CNTN5: variants seen among roughly 807,000 people sequenced by gnomAD.
The protein encoded by CNTN5 is contactin-5.
CNTN5 carries 77 observed loss-of-function variants against 129.1 expected under a neutral mutation model. The observed-to-expected ratio is 0.60, with a 90% confidence interval of 0.50 to 0.72. The LOEUF is 0.72. CNTN5 is among the 30% of genes least tolerant of loss of function. The pLI is 0.00. For synonymous variants in CNTN5, 509 were observed against 465.6 expected (o/e 1.09, Z -1.20); for missense variants, 1,478 against 1,328.8 (o/e 1.11, Z -1.75).
At chr11:99,150,204 C>T (rs1488384159) in intron 1 of CNTN5, among the ~76,000 whole-genome samples, 1 of 151,984 alleles carries the variant, frequency 6.6e-6, no homozygotes, top group African/African-American at 2.4e-5. Flanking sequence ...TTTTAAATCA[C>T]AAATGACTGT....
At chr11:99,754,248 G>T (rs562593760) in intron 3 of CNTN5, among the ~76,000 whole-genome samples, 4 of 152,238 alleles carry the variant, frequency 2.6e-5, no homozygotes, top group African/African-American at 7.2e-5. Flanking sequence ...TAAAGATGGA[G>T]ATCCTTAACA....
intron 4 of CNTN5, among the ~76,000 whole-genome samples, chr11:99,820,445 A>G (rs1946763074): frequency 6.6e-6 from 1 of 152,306 alleles, no homozygotes; most frequent in Admixed American, 6.5e-5. Context: ...AAAAATCTAT[A>G]TATCCAACAC....
chr11:99,485,552 C>T (rs1445179089), intron 2 of CNTN5, among the ~76,000 whole-genome samples: 4 of 152,004 alleles, frequency 2.6e-5, no homozygotes, highest in Non-Finnish European at 5.9e-5. Context: ...TAAAGGAACT[C>T]TCTAAACTCT....
At chr11:100,024,818 T>A (rs891189135) in intron 9 of CNTN5, among the ~76,000 whole-genome samples, 1 of 152,174 alleles carries the variant, frequency 6.6e-6, no homozygotes, top group Non-Finnish European at 1.5e-5. Context: ...AGAGGTGACT[T>A]GGGTGCTCTG....
At position 100,148,723 on chromosome 11, in the gene CNTN5, A is replaced by AT. The variant is rs894768213; in HGVS notation, c.1581-42403_1581-42402insT. Among the ~76,000 whole-genome samples the AT allele has an allele frequency of 5.0e-4, 11 of 22,154 alleles. No homozygotes were observed. In the African/African-American group the frequency reaches 6.2e-3, roughly 13 times the overall value. The allele number at this position is 22,154 out of a possible 152,430, so 14.5% of individuals were successfully genotyped here. A position where few individuals can be genotyped will look rare whatever the true frequency, so the allele number is the denominator to read the frequency against. On this transcript the variant is annotated intron_variant, in intron 13 of 24. Coordinates refer to ENST00000524871, the MANE Select transcript of CNTN5 (RefSeq NM_014361.4). ...ATTACAGGTCAGATAGATATATCTA[A>AT]CAAACAAACACGTGTGGATAATGGA...
chr11:99,190,730 T>C lies in CNTN5; in HGVS notation c.-209-134616T>C, dbSNP rs534000257. Reference sequence around the variant, plus strand: ...TAGAAATGATACTGATTTTTATATTTTCGTTTTATATCCTGCAACTTTACT... The same window carrying C: ...TAGAAATGATACTGATTTTTATATTCTCGTTTTATATCCTGCAACTTTACT... On this transcript the variant is annotated intron_variant, in intron 1 of 24. Transcript: ENST00000524871. Among the ~76,000 whole-genome samples, 21 of 151,860 alleles carry C rather than the reference T, an allele frequency of 1.4e-4. No individual in the cohort carries two copies. The South Asian group carries it at 4.4e-3, about 32-fold the overall frequency.
intron 1 of CNTN5, among the ~76,000 whole-genome samples, chr11:99,099,439 C>T (rs993139376): frequency 6.6e-6 from 1 of 151,908 alleles, no homozygotes; most frequent in Non-Finnish European, 1.5e-5. Context: ...GGAGAACTTA[C>T]CGTTATGAAC....
At chr11:99,526,428 A>G (rs1321271503) in intron 2 of CNTN5, among the ~76,000 whole-genome samples, 1 of 152,204 alleles carries the variant, frequency 6.6e-6, no homozygotes, top group African/African-American at 2.4e-5. Context: ...GAAAGCCGAG[A>G]AGTCCGGAAC....
At chr11:99,241,317 G>GTTTTTTTTTTTTTTTTTTTTTTTTTTT (rs1565430527) in intron 1 of CNTN5, among the ~76,000 whole-genome samples, 3 of 60,132 alleles carry the variant, frequency 5.0e-5, no homozygotes, top group Admixed American at 2.3e-4. Flanking sequence ...TTTGATTGTT[G>GTTTTTTTTTTTTTTTTTTTTTTTTTTT]GTTTTTTTTT....
chr11:99,348,799 A>T (rs999338548), intron 2 of CNTN5, among the ~76,000 whole-genome samples: 2 of 151,944 alleles, frequency 1.3e-5, no homozygotes, highest in Non-Finnish European at 2.9e-5. Flanking sequence ...GCTTTGGAAG[A>T]CTCCTTGGTG....
intron 3 of CNTN5, among the ~76,000 whole-genome samples, chr11:99,805,083 C>G (rs1315537495): frequency 6.6e-6 from 1 of 152,022 alleles, no homozygotes; most frequent in African/African-American, 2.4e-5. Flanking sequence ...CAAAGAGAGT[C>G]TTTCTCAGAA....
chr11:99,609,987 T>G (rs1950547195), intron 3 of CNTN5, among the ~76,000 whole-genome samples: 1 of 152,138 alleles, frequency 6.6e-6, no homozygotes, highest in Admixed American at 6.6e-5. Flanking sequence ...TATTCAATCC[T>G]TATAACATGT....
intron 15 of CNTN5, among the ~76,000 whole-genome samples, chr11:100,203,556 T>C (rs1206496098): frequency 2.6e-5 from 4 of 151,990 alleles, no homozygotes; most frequent in Non-Finnish European, 5.9e-5. Context: ...TATCTGGCAG[T>C]GTCTCAGATT....
chr11:99,932,273 A>G lies in CNTN5; in HGVS notation c.673+16124A>G, dbSNP rs138467822. 1.7e-4 allele frequency among the ~76,000 whole-genome samples: 26 copies of G among 152,032 alleles called. No homozygotes were observed. In the East Asian group the frequency reaches 3.5e-3, roughly 20 times the overall value. On this transcript the variant is annotated intron_variant, in intron 7 of 24. Coordinates refer to ENST00000524871, the MANE Select transcript of CNTN5 (RefSeq NM_014361.4). ...AATGGGTCGATCTCGGCTCACTGCA[A>G]CCTTCGCCTCCCGGGTTCCAGCAAT...
At chr11:99,700,498 T>C (rs1335639389) in intron 3 of CNTN5, among the ~76,000 whole-genome samples, 7 of 151,436 alleles carry the variant, frequency 4.6e-5, no homozygotes, top group African/African-American at 7.3e-5. Flanking sequence ...TTTTGTTCAA[T>C]GTCTCCATTT....
chr11:100,249,458 A>C (rs117034240), intron 16 of CNTN5, among the ~76,000 whole-genome samples: 1 of 152,294 alleles, frequency 6.6e-6, no homozygotes, highest in East Asian at 1.9e-4. Context: ...CCATTTTTCA[A>C]AATTGACTAT....
At chr11:99,300,436 T>C (rs535257079) in intron 1 of CNTN5, among the ~76,000 whole-genome samples, 12 of 152,250 alleles carry the variant, frequency 7.9e-5, no homozygotes, top group Non-Finnish European at 1.6e-4. Flanking sequence ...TTTGTATATG[T>C]TGAACCATCC....
intron 6 of CNTN5, among the ~76,000 whole-genome samples, chr11:99,851,589 A>G (rs536546918): frequency 6.6e-6 from 1 of 152,344 alleles, no homozygotes; most frequent in South Asian, 2.1e-4. Context: ...ATAATGAATC[A>G]GGAATAAAAT....
chr11:99,467,309 A>G (rs567284976), intron 2 of CNTN5, among the ~76,000 whole-genome samples: 17 of 152,142 alleles, frequency 1.1e-4, no homozygotes, highest in African/African-American at 3.4e-4. Flanking sequence ...AGTTTTTACT[A>G]TTTACTTTAT....
Sources: allele counts gnomAD v4.1 joint callset (sites outside exome capture counted in the v4.1 genomes callset), GRCh38; gene constraint gnomAD v4.1.1; transcripts MANE v1.5; gene names NCBI Gene and HGNC (gene_info 2026-07-23, HGNC 2026-07-21).